The following FAM120A variants were observed in gnomAD, a reference collection of about 807,000 sequenced individuals.
The protein encoded by FAM120A is constitutive coactivator of PPAR-gamma-like protein 1.
Under a neutral mutation model 109.7 loss-of-function variants are expected in FAM120A, and 15 were observed. The observed-to-expected ratio is 0.14, with a 90% CI of 0.09 to 0.21. FAM120A has a LOEUF of 0.21. Ranked by LOEUF, FAM120A falls within the 10% of genes least tolerant of loss-of-function variation. The pLI, the probability that FAM120A is intolerant of heterozygous loss-of-function variation, is 1.00. For synonymous variants in FAM120A, 493 were observed against 572.8 expected (o/e 0.86, Z 1.99); for missense variants, 899 against 1,439.3 (o/e 0.62, Z 6.07).
intron 17 of FAM120A, among the ~76,000 whole-genome samples, chr9:93,563,815 G>A (rs1179981820): frequency 6.6e-6 from 1 of 152,234 alleles, no homozygotes. Flanking sequence ...TATTTCCCCA[G>A]TAGAAATGGG....
intron 7 of FAM120A, among the ~76,000 whole-genome samples, chr9:93,520,527 TGTG>T (rs1363131080): frequency 1.9e-4 from 29 of 152,334 alleles, no homozygotes; most frequent in African/African-American, 6.3e-4. Context: ...AAAAATAAAA[TGTG>T]GTGGGCGGTT....
At chr9:93,518,903 C>T (rs899388585) in intron 7 of FAM120A, among the ~76,000 whole-genome samples, 14 of 152,184 alleles carry the variant, frequency 9.2e-5, no homozygotes, top group African/African-American at 3.4e-4. Flanking sequence ...TCATAAACTT[C>T]CTTAAAACAT....
intron 1 of FAM120A, among the ~76,000 whole-genome samples, chr9:93,457,875 C>A (rs1857619958): frequency 1.3e-5 from 2 of 150,956 alleles, no homozygotes; most frequent in Non-Finnish European, 2.9e-5. Flanking sequence ...CTCCTTGAAC[C>A]TTTTTCAATG....
rs1266223398 is a variant in FAM120A, at chr9:93,498,913, T to C, written c.1030+27T>C. Reference sequence around the variant, plus strand: ...TAAGTAAATAAAAGCCTGTGATCAATATTGACCATATGATAATCCAAGTAG... The same window carrying C: ...TAAGTAAATAAAAGCCTGTGATCAACATTGACCATATGATAATCCAAGTAG... On this transcript the variant is annotated intron_variant, in intron 5 of 17. Transcript: ENST00000277165. This position sits in a 1 kb window ranked among gnomAD's most constrained non-coding sequence, Gnocchi z 4.4. The C allele has an allele frequency of 8.1e-7, 1 of 1,235,176 alleles. No homozygotes were observed. The highest frequency in any genetic ancestry group is 2.3e-5 in the East Asian group (1 of 43,208). 76.5% of individuals were successfully genotyped at this position (1,235,176 alleles called of 1,614,324 possible).
chr9:93,517,152 G>C (rs553088408), intron 7 of FAM120A, among the ~76,000 whole-genome samples: 1 of 152,304 alleles, frequency 6.6e-6, no homozygotes, highest in East Asian at 1.9e-4. Context: ...ATAAATGTCT[G>C]TTGACCCAGG....
chr9:93,529,297 A>G (rs1861223172), intron 8 of FAM120A, 56 bp from the exon 9 acceptor site: 7 of 1,463,650 alleles, frequency 4.8e-6, no homozygotes, highest in African/African-American at 1.4e-5. Flanking sequence ...CATACTTTAA[A>G]TGAATGAAAA....
At chr9:93,458,796 A>G (rs777572326) in intron 1 of FAM120A, among the ~76,000 whole-genome samples, 6 of 152,170 alleles carry the variant, frequency 3.9e-5, no homozygotes, top group Non-Finnish European at 5.9e-5. Context: ...CTAATCTTGC[A>G]CAGCTTTGGC....
At chr9:93,479,421 C>T (rs1192347075) in intron 3 of FAM120A, among the ~76,000 whole-genome samples, 1 of 152,080 alleles carries the variant, frequency 6.6e-6, no homozygotes, top group Non-Finnish European at 1.5e-5. Context: ...CATAGAACAC[C>T]AGCCCTCTGT....
Position 93,452,729 on chromosome 9 carries a change from C to T in FAM120A, c.474+340C>T. 1 of 1,598,150 alleles carries T rather than the reference C, an allele frequency of 6.3e-7. No individual in the cohort carries two copies. Among genetic ancestry groups the T allele is most frequent in the South Asian group, 1.1e-5 (1 of 91,000 alleles). ...TCCCATCCTATTTGAGGCGGGCAGGCTATCACTCACCTTCAACTTTGACAA... is the reference window on the plus strand; with the variant it reads ...TCCCATCCTATTTGAGGCGGGCAGGTTATCACTCACCTTCAACTTTGACAA... On this transcript the variant is annotated intron_variant, in intron 1 of 17. Transcript: ENST00000277165. This position sits in a 1 kb window ranked among gnomAD's most constrained non-coding sequence, Gnocchi z 7.0.
intron 15 of FAM120A, 86 bp from the exon 16 acceptor site, chr9:93,561,021 CTG>C: frequency 1.4e-6 from 2 of 1,463,642 alleles, no homozygotes; most frequent in South Asian, 1.2e-5. Context: ...TAAACCAAAA[CTG>C]AAAAGAAGTT....
In FAM120A at chr9:93,451,880, C is replaced by A; in HGVS notation, c.-36C>A. 8.3e-7 allele frequency: 1 copy of A among 1,204,662 alleles called. No homozygotes were observed. Among genetic ancestry groups the A allele is most frequent in the Non-Finnish European group, 1.0e-6 (1 of 971,726 alleles). 74.6% of individuals were successfully genotyped at this position (1,204,662 alleles called of 1,614,324 possible). Reference sequence around the variant, plus strand: ...CCCACCACCCCCGGCCCCGCCGCCCCCCGCCCGCACCCGCGCCCGCGCCCC... The same window carrying A: ...CCCACCACCCCCGGCCCCGCCGCCCACCGCCCGCACCCGCGCCCGCGCCCC... On this transcript the variant is annotated 5_prime_UTR_variant, in exon 1 of 18. Coordinates refer to ENST00000277165, the MANE Select transcript of FAM120A (RefSeq NM_014612.5).
chr9:93,456,822 G>T (rs1303438702), intron 1 of FAM120A, among the ~76,000 whole-genome samples: 1 of 152,158 alleles, frequency 6.6e-6, no homozygotes. Context: ...TTCTAGTTAG[G>T]ATAGGAACAG....
At position 93,452,790 on chromosome 9, in the gene FAM120A, A is replaced by G. The variant is rs1000533616; in HGVS notation, c.474+401A>G. 6.3e-7 allele frequency: 1 copy of G among 1,592,160 alleles called. No homozygotes were observed. The highest frequency in any genetic ancestry group is 8.5e-7 in the Non-Finnish European group (1 of 1,177,646). On this transcript the variant is annotated intron_variant, in intron 1 of 17. Coordinates refer to ENST00000277165, the MANE Select transcript of FAM120A (RefSeq NM_014612.5). This position sits in a 1 kb window ranked among gnomAD's most constrained non-coding sequence, Gnocchi z 7.0. The stretch of plus-strand genomic sequence containing the variant: ...TTTCTAATTTAGCCTGTTCTTTCCC[A>G]GCAACAGGTTCATCTTGGAAGCAGG...
chr9:93,559,952 T>C (rs1862415228), intron 15 of FAM120A, among the ~76,000 whole-genome samples: 1 of 152,218 alleles, frequency 6.6e-6, no homozygotes, highest in Admixed American at 6.5e-5. Context: ...AAAATACATA[T>C]CAGATTTTAA....
intron 5 of FAM120A, among the ~76,000 whole-genome samples, chr9:93,504,798 C>A (rs1328405687): frequency 6.6e-6 from 1 of 152,146 alleles, no homozygotes; most frequent in Non-Finnish European, 1.5e-5. Flanking sequence ...TCCAGGGAAC[C>A]TCCAGGGTAG....
chr9:93,531,610 C>T (rs1053962735), intron 9 of FAM120A, among the ~76,000 whole-genome samples: 17 of 152,156 alleles, frequency 1.1e-4, no homozygotes, highest in Admixed American at 3.9e-4. Context: ...CATGTCCTAG[C>T]CACTGTACTG....
intron 3 of FAM120A, among the ~76,000 whole-genome samples, chr9:93,493,916 C>T (rs754935098): frequency 4.4e-4 from 67 of 152,350 alleles, no homozygotes; most frequent in Non-Finnish European, 4.6e-4. Flanking sequence ...AGCCATCCAG[C>T]CTTCCTGGGC....
At chr9:93,542,903 A>G (rs1460658017) in intron 10 of FAM120A, among the ~76,000 whole-genome samples, 1 of 152,280 alleles carries the variant, frequency 6.6e-6, no homozygotes, top group African/African-American at 2.4e-5. Flanking sequence ...ATTTGTAGAT[A>G]TAAAATATTA....
intron 5 of FAM120A, among the ~76,000 whole-genome samples, chr9:93,512,801 C>T (rs1420254280): frequency 6.6e-6 from 1 of 152,192 alleles, no homozygotes; most frequent in Non-Finnish European, 1.5e-5. Context: ...CAAATTAATT[C>T]ACTTATTGGA....
Sources: allele counts gnomAD v4.1 joint callset (sites outside exome capture counted in the v4.1 genomes callset), GRCh38; gene constraint gnomAD v4.1.1; non-coding constraint Gnocchi (gnomAD v3.1); transcripts MANE v1.5; gene names NCBI Gene and HGNC (gene_info 2026-07-23, HGNC 2026-07-21).